TMEM128: variants seen among roughly 807,000 people sequenced by gnomAD.
The protein encoded by TMEM128 is transmembrane protein 128.
TMEM128 carries 16 observed loss-of-function variants against 19.7 expected under a neutral mutation model. That is an observed-to-expected ratio of 0.81 (90% CI 0.55 to 1.23). The LOEUF is 1.23. Among genes scored for constraint, TMEM128 ranks in the 50% most tolerant of loss-of-function variants. The probability of loss-of-function intolerance (pLI) is 0.00; values close to 1 mark genes in which losing one functional copy is unlikely to be tolerated. For synonymous variants in TMEM128, 98 were observed against 75.8 expected (o/e 1.29, Z -1.52); for missense variants, 237 against 200.8 (o/e 1.18, Z -1.09).
At chr4:4,245,738 A>AGT (rs1388770894) in intron 2 of TMEM128, among the ~76,000 whole-genome samples, 1 of 152,142 alleles carries the variant, frequency 6.6e-6, no homozygotes, top group Non-Finnish European at 1.5e-5. Flanking sequence ...CAAGGTATAC[A>AGT]GTGTGATGAC....
At chr4:4,240,592 G>T in intron 2 of TMEM128, 113 bp from the exon 3 acceptor site, 1 of 1,203,380 alleles carries the variant, frequency 8.3e-7, no homozygotes, top group Non-Finnish European at 1.2e-6. Flanking sequence ...AAGTGTTGCA[G>T]AGGGAGCCAT....
chr4:4,241,234 A>G (rs1341196894), intron 2 of TMEM128, among the ~76,000 whole-genome samples: 1 of 152,250 alleles, frequency 6.6e-6, no homozygotes, highest in Admixed American at 6.5e-5. Flanking sequence ...GAATACTGAA[A>G]GACAATTAGG....
chr4:4,243,989 T>C (rs920949227), intron 2 of TMEM128, among the ~76,000 whole-genome samples: 4 of 152,214 alleles, frequency 2.6e-5, no homozygotes, highest in African/African-American at 9.6e-5. Context: ...GATGCTCCCA[T>C]GATACCCTGC....
At chr4:4,237,595 G>C (rs1485035947) in intron 4 of TMEM128, among the ~76,000 whole-genome samples, 1 of 152,166 alleles carries the variant, frequency 6.6e-6, no homozygotes, top group African/African-American at 2.4e-5. Flanking sequence ...AGTGAGCTGT[G>C]ATCATGCCAC....
chr4:4,240,353 A>G lies in TMEM128; in HGVS notation c.366T>C (p.Ile122=). The G allele has an allele frequency of 6.2e-7, 1 of 1,614,178 alleles. No individual in the cohort carries two copies. Among genetic ancestry groups the G allele is most frequent in the African/African-American group, 1.3e-5 (1 of 75,076 alleles). The stretch of plus-strand genomic sequence containing the variant: ...CTGCTGCAATAAAGGAGGCAGTGGT[A>G]ATGGGTATCAAGGCTGGATACTTGA... ...YDVKYPALIP[I]TTASFIAAGI... The change falls in exon 3 of 5, where the codon ATT becomes ATC. Residue 122 remains isoleucine (I), a synonymous_variant. Coordinates refer to ENST00000382753, the MANE Select transcript of TMEM128 (RefSeq NM_001297551.2).
At chr4:4,247,985 A>T in intron 1 of TMEM128, 121 bp downstream of exon 1, 2 of 1,455,352 alleles carry the variant, frequency 1.4e-6, no homozygotes, top group Non-Finnish European at 1.8e-6. Context: ...CCCTGACATT[A>T]AATATTCGAC....
In TMEM128 at chr4:4,243,805, C is replaced by T. The variant is rs546206796; in HGVS notation, c.239+2397G>A. ...CAGTTATGTGGTCCTGGGCACTCCA[C>T]TTCACTGCAGTTGCCCCCAAATATC... On this transcript the variant is annotated intron_variant, in intron 2 of 4. Coordinates refer to ENST00000382753, the MANE Select transcript of TMEM128 (RefSeq NM_001297551.2). 8.8e-4 allele frequency among the ~76,000 whole-genome samples: 134 copies of T among 152,332 alleles called. No homozygotes were observed. In the South Asian group the frequency reaches 9.5e-3, roughly 11 times the overall value.
intron 2 of TMEM128, among the ~76,000 whole-genome samples, chr4:4,244,368 T>C (rs542227616): frequency 2.0e-5 from 3 of 152,182 alleles, no homozygotes; most frequent in Admixed American, 1.3e-4. Flanking sequence ...TCCTAGCTAC[T>C]TGGGAGGCTG....
intron 1 of TMEM128, chr4:4,247,497 T>C: frequency 6.7e-7 from 1 of 1,495,516 alleles, no homozygotes; most frequent in Non-Finnish European, 9.2e-7. Flanking sequence ...CTGTCTCCCA[T>C]CCTTAACCTC....
At chr4:4,241,410 C>T (rs556007641) in intron 2 of TMEM128, among the ~76,000 whole-genome samples, 1 of 152,320 alleles carries the variant, frequency 6.6e-6, no homozygotes, top group South Asian at 2.1e-4. Context: ...CCTGGACAAC[C>T]CCTTCCCTCC....
chr4:4,247,564 T>C (rs776170093), intron 1 of TMEM128: 1 of 1,614,074 alleles, frequency 6.2e-7, no homozygotes. Flanking sequence ...TCTTCCATAT[T>C]CTATGCATTC....
intron 1 of TMEM128, chr4:4,247,503 A>C: frequency 2.6e-6 from 4 of 1,534,092 alleles, no homozygotes; most frequent in Non-Finnish European, 3.6e-6. Flanking sequence ...CCCATCCTTA[A>C]CCTCAGATCT....
chr4:4,241,108 C>T (rs1230819714), intron 2 of TMEM128, among the ~76,000 whole-genome samples: 1 of 151,994 alleles, frequency 6.6e-6, no homozygotes, highest in African/African-American at 2.4e-5. Flanking sequence ...TAAATAAAAA[C>T]AAAAATACAA....
intron 1 of TMEM128, chr4:4,247,601 C>T (rs1247599785): frequency 1.2e-6 from 2 of 1,614,206 alleles, no homozygotes; most frequent in Non-Finnish European, 1.7e-6. Flanking sequence ...CACAAGTTAC[C>T]TGTTTTGTAC....
intron 1 of TMEM128, 25 bp from the exon 2 acceptor site, chr4:4,246,368 T>C (rs530786831): frequency 8.9e-6 from 14 of 1,577,424 alleles, no homozygotes; most frequent in Middle Eastern, 3.4e-4. Flanking sequence ...GATTTCAACT[T>C]ATTAAGTTAC....
chr4:4,242,316 C>T (rs1717991246), intron 2 of TMEM128, among the ~76,000 whole-genome samples: 1 of 151,796 alleles, frequency 6.6e-6, no homozygotes, highest in Non-Finnish European at 1.5e-5. Flanking sequence ...GAGTATCGCC[C>T]CCAAAGTGAA....
chr4:4,241,773 G>A (rs1376916180), intron 2 of TMEM128, among the ~76,000 whole-genome samples: 1 of 152,188 alleles, frequency 6.6e-6, no homozygotes, highest in Non-Finnish European at 1.5e-5. Context: ...CCTAACCTCC[G>A]TGTGTTTCAG....
chr4:4,246,935 A>G (rs1718204317), intron 1 of TMEM128, among the ~76,000 whole-genome samples: 1 of 151,904 alleles, frequency 6.6e-6, no homozygotes, highest in African/African-American at 2.4e-5. Context: ...TTTAGTAGAG[A>G]CGGGGTTTCA....
intron 1 of TMEM128, among the ~76,000 whole-genome samples, chr4:4,246,753 A>ATTT (rs11427543): frequency 1.3e-5 from 2 of 148,864 alleles, no homozygotes; most frequent in Non-Finnish European, 3.0e-5. Flanking sequence ...TTATAACTAA[A>ATTT]TTTTTTTTTT....
Sources: gnomAD v4.1 joint callset for allele counts (sites outside exome capture counted in the v4.1 genomes callset) on GRCh38, gnomAD v4.1.1 for gene constraint, MANE v1.5 for transcripts, NCBI Gene and HGNC (gene_info 2026-07-23, HGNC 2026-07-21) for gene names.